GRK5: variants seen among roughly 807,000 people sequenced by gnomAD.
GRK5 encodes the protein G protein-coupled receptor kinase 5, also known as g protein-coupled receptor kinase GRK5.
In GRK5, 40 loss-of-function variants were observed where a neutral mutation model predicts 78.4. The ratio of observed to expected loss-of-function variants is 0.51; its 90% confidence interval spans 0.40 to 0.66. The LOEUF (loss-of-function observed/expected upper bound fraction) is 0.66. Ranked by LOEUF, GRK5 falls within the 30% of genes least tolerant of loss-of-function variation. The probability of loss-of-function intolerance (pLI) is 0.00; values close to 1 mark genes in which losing one functional copy is unlikely to be tolerated. For synonymous variants in GRK5, 289 were observed against 296.8 expected (o/e 0.97, Z 0.27); for missense variants, 598 against 759.9 (o/e 0.79, Z 2.50).
chr10:119,302,830 GC>G (rs1850206969), intron 1 of GRK5, among the ~76,000 whole-genome samples: 1 of 152,168 alleles, frequency 6.6e-6, no homozygotes, highest in Non-Finnish European at 1.5e-5. Flanking sequence ...TCTGTCAGGG[GC>G]TTCTGGAGCA....
At chr10:119,416,387 G>A (rs1336071998) in intron 4 of GRK5, among the ~76,000 whole-genome samples, 2 of 152,196 alleles carry the variant, frequency 1.3e-5, no homozygotes, top group Admixed American at 6.5e-5. Context: ...CTCAAGCTAC[G>A]GCAGCATTCC....
intron 4 of GRK5, among the ~76,000 whole-genome samples, chr10:119,418,742 T>A (rs1852512505): frequency 6.6e-6 from 1 of 152,126 alleles, no homozygotes; most frequent in Non-Finnish European, 1.5e-5. Flanking sequence ...AAATTCACTG[T>A]TGTGTTAAAG....
At chr10:119,246,787 G>A (rs1849120907) in intron 1 of GRK5, among the ~76,000 whole-genome samples, 1 of 152,194 alleles carries the variant, frequency 6.6e-6, no homozygotes, top group African/African-American at 2.4e-5. Context: ...TCCAAAGCAG[G>A]TGTTGCTTGG....
In GRK5 at chr10:119,245,981, C is replaced by CT. The variant is rs983238905; in HGVS notation, c.52+38013dup. Among the ~76,000 whole-genome samples, 9 of 133,336 alleles carry CT rather than the reference C, an allele frequency of 6.7e-5. No homozygotes were observed. In the Admixed American group the frequency reaches 8.0e-4, roughly 12 times the overall value. 87.5% of individuals were successfully genotyped at this position (133,336 alleles called of 152,430 possible). A position where few individuals can be genotyped will look rare whatever the true frequency, so the allele number is the denominator to read the frequency against. ...CCTGCAGTGAGCCGAGATCATGCTA[C>CT]TGCCCTCCAGCCTGGGTGACAGAGC... is the stretch of plus-strand genomic sequence containing the variant. On this transcript the variant is annotated intron_variant, in intron 1 of 15. Transcript: ENST00000392870.
chr10:119,237,013 G>A (rs1019690154), intron 1 of GRK5, among the ~76,000 whole-genome samples: 2 of 149,174 alleles, frequency 1.3e-5, no homozygotes, highest in African/African-American at 4.9e-5. Context: ...TATATCACCT[G>A]ACCAGCCTCT....
In GRK5 at chr10:119,425,139, A is replaced by G. The variant is rs528534438; in HGVS notation, c.533+54A>G. The G allele has an allele frequency of 3.1e-6, 4 of 1,277,608 alleles. 1 individual carries two copies. In the South Asian group the frequency reaches 3.6e-5, roughly 11 times the overall value. 79.1% of individuals were successfully genotyped at this position (1,277,608 alleles called of 1,614,324 possible). A position where few individuals can be genotyped will look rare whatever the true frequency, so the allele number is the denominator to read the frequency against. ...GGGAGGCAGAGGGTACACATTTTTC[A>G]TCTGAGAATTCATATAAAAATCAGT... On this transcript the variant is annotated intron_variant, in intron 6 of 15. Coordinates refer to ENST00000392870, the MANE Select transcript of GRK5 (RefSeq NM_005308.3).
chr10:119,240,099 C>T (rs1147628), intron 1 of GRK5, among the ~76,000 whole-genome samples: 3 of 150,600 alleles, frequency 2.0e-5, no homozygotes, highest in Non-Finnish European at 4.4e-5. Flanking sequence ...ACCACATTGT[C>T]TTCCACAATG....
chr10:119,268,822 C>A (rs1008570480), intron 1 of GRK5, among the ~76,000 whole-genome samples: 2 of 152,210 alleles, frequency 1.3e-5, no homozygotes, highest in African/African-American at 4.8e-5. Context: ...GAAACGCTAC[C>A]CTGGCCCTGT....
chr10:119,241,845 G>A (rs1304314466), intron 1 of GRK5, among the ~76,000 whole-genome samples: 3 of 152,174 alleles, frequency 2.0e-5, no homozygotes, highest in Admixed American at 1.3e-4. Flanking sequence ...TGGATTCTTA[G>A]GCACTGGAGT....
At chr10:119,261,086 T>A (rs1168128503) in intron 1 of GRK5, among the ~76,000 whole-genome samples, 54 of 80,226 alleles carry the variant, frequency 6.7e-4, no homozygotes, top group African/African-American at 2.3e-3. Flanking sequence ...GCGGAGACGC[T>A]CCTCACTTCC....
chr10:119,261,001 A>ACCTC (rs1413432604), intron 1 of GRK5, among the ~76,000 whole-genome samples: 1 of 69,032 alleles, frequency 1.4e-5, no homozygotes, highest in Non-Finnish European at 3.0e-5. Context: ...GGCACCCCTC[A>ACCTC]CCTCCCGGAC....
At chr10:119,340,887 G>A (rs1024425905) in intron 2 of GRK5, among the ~76,000 whole-genome samples, 6 of 152,220 alleles carry the variant, frequency 3.9e-5, no homozygotes, top group Admixed American at 3.3e-4. Context: ...TTTGATGTGG[G>A]TGTGTGAGCC....
intron 2 of GRK5, among the ~76,000 whole-genome samples, chr10:119,361,693 G>T (rs948152985): frequency 1.3e-5 from 2 of 152,172 alleles, no homozygotes; most frequent in African/African-American, 4.8e-5. Flanking sequence ...GGGTGCGGTG[G>T]TTCATGCCTG....
chr10:119,387,828 TG>T (rs1271607805), intron 3 of GRK5, among the ~76,000 whole-genome samples: 1 of 152,232 alleles, frequency 6.6e-6, no homozygotes, highest in Admixed American at 6.5e-5. Context: ...GGCACATTTA[TG>T]GGGTGGCTCC....
At chr10:119,352,612 GGTCT>G (rs72203498) in intron 2 of GRK5, among the ~76,000 whole-genome samples, 67,733 of 151,662 alleles carry the variant, frequency 0.45, 16,113 homozygotes, top group Middle Eastern at 0.56. Context: ...TAAGCTCCTG[GGTCT>G]GTTTTGGTTT....
intron 2 of GRK5, among the ~76,000 whole-genome samples, chr10:119,358,529 C>A (rs1001645370): frequency 2.6e-5 from 4 of 152,146 alleles, no homozygotes; most frequent in Admixed American, 2.0e-4. Context: ...TGGTGCATTT[C>A]CATCTCCCAA....
In GRK5 at chr10:119,252,243, G is replaced by A. The variant is rs142486519; in HGVS notation, c.52+44274G>A. 8.1e-4 allele frequency among the ~76,000 whole-genome samples: 124 copies of A among 152,326 alleles called. 2 individuals are homozygous for A. The highest frequency in any genetic ancestry group is 2.4e-3 in the African/African-American group (99 of 41,566). Reference sequence around the variant, plus strand: ...CCCAGCTACAGGTCCTGGTGGAGTTGACAGTTGATGGATCACTGTGCTGTG... The same window carrying A: ...CCCAGCTACAGGTCCTGGTGGAGTTAACAGTTGATGGATCACTGTGCTGTG... On this transcript the variant is annotated intron_variant, in intron 1 of 15. Transcript: ENST00000392870.
intron 1 of GRK5, among the ~76,000 whole-genome samples, chr10:119,240,996 G>A (rs542206510): frequency 3.3e-5 from 5 of 152,358 alleles, no homozygotes; most frequent in African/African-American, 1.2e-4. Flanking sequence ...GAGCAGGCAG[G>A]ATTGTGCCGG....
chr10:119,268,383 C>G (rs928024763), intron 1 of GRK5, among the ~76,000 whole-genome samples: 1 of 152,152 alleles, frequency 6.6e-6, no homozygotes, highest in Non-Finnish European at 1.5e-5. Flanking sequence ...TCCTTCTGCC[C>G]CTGGGCAGCC....
Sources: gnomAD v4.1 joint callset for allele counts (sites outside exome capture counted in the v4.1 genomes callset) on GRCh38, gnomAD v4.1.1 for gene constraint, MANE v1.5 for transcripts, NCBI Gene and HGNC (gene_info 2026-07-23, HGNC 2026-07-21) for gene names.